The following EXTL3 variants were observed in gnomAD, a reference collection of about 807,000 sequenced individuals.
The protein encoded by EXTL3 is exostosin like glycosyltransferase 3.
EXTL3 carries 27 observed loss-of-function variants against 69.3 expected under a neutral mutation model. That is an observed-to-expected ratio of 0.39 (90% CI 0.29 to 0.54). The LOEUF (loss-of-function observed/expected upper bound fraction) is 0.54, where lower values mean the gene tolerates loss of function less well. EXTL3 is among the 20% of genes least tolerant of loss of function. The probability of loss-of-function intolerance (pLI) is 0.69; values close to 1 mark genes in which losing one functional copy is unlikely to be tolerated. For synonymous variants in EXTL3, 511 were observed against 499.4 expected, an observed-to-expected ratio of 1.02 and a Z score of -0.31; for missense variants, 1,003 against 1,231.8, an observed-to-expected ratio of 0.81 and a Z score of 2.78.
At chr8:28,692,958 A>G (rs1263282873) in intron 1 of EXTL3, among the ~76,000 whole-genome samples, 1 of 152,164 alleles carries the variant, frequency 6.6e-6, no homozygotes, top group Non-Finnish European at 1.5e-5. Flanking sequence ...TGTTGCGTCT[A>G]ACTGAGCACA....
At chr8:28,671,721 A>G (rs1209659500) in intron 1 of EXTL3, among the ~76,000 whole-genome samples, 1 of 152,224 alleles carries the variant, frequency 6.6e-6, no homozygotes, top group African/African-American at 2.4e-5. Flanking sequence ...ATCAGTCACT[A>G]AACTAGGATA....
intron 1 of EXTL3, among the ~76,000 whole-genome samples, chr8:28,654,291 A>G (rs1285189970): frequency 6.6e-6 from 1 of 152,202 alleles, no homozygotes; most frequent in East Asian, 1.9e-4. Context: ...AGAAACTTGT[A>G]TGGCTTTCAG....
chr8:28,738,342 C>T (rs1801696041), intron 5 of EXTL3, among the ~76,000 whole-genome samples: 1 of 152,184 alleles, frequency 6.6e-6, no homozygotes, highest in Non-Finnish European at 1.5e-5. Context: ...GTAAAGTGCA[C>T]AACAGCTTTC....
intron 3 of EXTL3, among the ~76,000 whole-genome samples, chr8:28,729,595 CAAAAAAAAAAAA>C (rs567929424): frequency 9.0e-5 from 3 of 33,238 alleles, no homozygotes; most frequent in African/African-American, 2.8e-4. Flanking sequence ...GACTCCATCT[CAAAAAAAAAAAA>C]AAAAAAAAAA....
At chr8:28,679,916 A>G (rs1807454342) in intron 1 of EXTL3, among the ~76,000 whole-genome samples, 1 of 152,186 alleles carries the variant, frequency 6.6e-6, no homozygotes, top group African/African-American at 2.4e-5. Flanking sequence ...ATAGAATAAG[A>G]CAAATGCTTA....
intron 1 of EXTL3, among the ~76,000 whole-genome samples, chr8:28,689,414 G>A (rs1487503650): frequency 1.3e-5 from 2 of 151,978 alleles, no homozygotes; most frequent in African/African-American, 4.8e-5. Context: ...CTCTCCTCCA[G>A]TCCCCATGTT....
At position 28,717,851 on chromosome 8, in the gene EXTL3, A is replaced by G; in HGVS notation, c.1792A>G (p.Thr598Ala). 1.9e-6 allele frequency: 3 copies of G among 1,612,560 alleles called. No homozygotes were observed. Among genetic ancestry groups the G allele is most frequent in the Non-Finnish European group, 2.5e-6 (3 of 1,178,680 alleles). ...CCTCCGCAATTTCACTCTGACTGTCACTGACTTTTACCGCAGCTGGAACTG... is the reference window on the plus strand; with the variant it reads ...CCTCCGCAATTTCACTCTGACTGTCGCTGACTTTTACCGCAGCTGGAACTG... ...RYLRNFTLTVTDFYRSWNCAP... is the reference protein window; with the variant it reads ...RYLRNFTLTVADFYRSWNCAP... The change falls in exon 3 of 7, where the codon ACT (threonine) becomes GCT (alanine). Residue 598 changes from threonine (T) to alanine (A), a missense_variant. This residue lies in a region of EXTL3 where 742 missense variants were observed against 815.4 expected (regional missense o/e 0.91). Coordinates refer to ENST00000220562, the MANE Select transcript of EXTL3 (RefSeq NM_001440.4). The surrounding 1 kb of genome is among the most constrained non-coding windows in gnomAD (Gnocchi z 8.3).
At position 28,742,923 on chromosome 8, in the gene EXTL3, A is replaced by G; in HGVS notation, c.2422-163A>G. ...TAATTCCTCACTGCAGAAGATCCACACGACAGGATGTCTCGAATCCCCTGC... is the reference window on the plus strand; with the variant it reads ...TAATTCCTCACTGCAGAAGATCCACGCGACAGGATGTCTCGAATCCCCTGC... On this transcript the variant is annotated intron_variant, in intron 5 of 6. Coordinates refer to ENST00000220562, the MANE Select transcript of EXTL3 (RefSeq NM_001440.4). 6 of 746,530 alleles carry G rather than the reference A, an allele frequency of 8.0e-6. No individual in the cohort carries two copies. In the South Asian group the frequency reaches 8.8e-5, roughly 11 times the overall value. The allele number at this position is 746,530 out of a possible 1,614,324, so 46.2% of individuals were successfully genotyped here. A position where few individuals can be genotyped will look rare whatever the true frequency, so the allele number is the denominator to read the frequency against.
chr8:28,715,696 G>GA lies in EXTL3; in HGVS notation c.-361dup. 3.6e-6 allele frequency: 1 copy of GA among 281,554 alleles called. No individual in the cohort carries two copies. The allele number at this position is 281,554 out of a possible 1,614,324, so 17.4% of individuals were successfully genotyped here. On this transcript the variant is annotated 5_prime_UTR_variant, in exon 3 of 7. The change abolishes the stop of an existing upstream ORF in the 5' untranslated region. Coordinates refer to ENST00000220562, the MANE Select transcript of EXTL3 (RefSeq NM_001440.4). Reference sequence around the variant, plus strand: ...CATATTTGTTGGTCAGCAAAACCAAGAAACAAGAGCTATGGCATTTGAAAA... The same window carrying GA: ...CATATTTGTTGGTCAGCAAAACCAAGAAAACAAGAGCTATGGCATTTGAAAA...
intron 1 of EXTL3, among the ~76,000 whole-genome samples, chr8:28,693,414 G>A (rs946332144): frequency 2.0e-5 from 3 of 152,102 alleles, no homozygotes; most frequent in Admixed American, 6.6e-5. Flanking sequence ...CCTCCCAAAA[G>A]TGCTGGGATT....
intron 1 of EXTL3, among the ~76,000 whole-genome samples, chr8:28,695,249 C>G (rs1800668954): frequency 6.6e-6 from 1 of 151,724 alleles, no homozygotes; most frequent in Non-Finnish European, 1.5e-5. Context: ...CTGCCTCAGC[C>G]TCCCGAGTAG....
intron 1 of EXTL3, among the ~76,000 whole-genome samples, chr8:28,630,853 G>A (rs1355354840): frequency 6.6e-6 from 1 of 152,124 alleles, no homozygotes; most frequent in Non-Finnish European, 1.5e-5. Flanking sequence ...AAAGAAAGAA[G>A]GTATATCAGG....
chr8:28,654,330 G>C (rs1354775366), intron 1 of EXTL3, among the ~76,000 whole-genome samples: 3 of 152,146 alleles, frequency 2.0e-5, no homozygotes, highest in Non-Finnish European at 4.4e-5. Context: ...TGATTTCATT[G>C]AGTTTACTCT....
rs772846096 is a variant in EXTL3 at position 28,717,418 on chromosome 8, A to G, written c.1359A>G (p.Glu453=). The change falls in exon 3 of 7, where the codon GAA becomes GAG. Residue 453 remains glutamate (E), a synonymous_variant. Coordinates refer to ENST00000220562, the MANE Select transcript of EXTL3 (RefSeq NM_001440.4). The surrounding 1 kb of genome is among the most constrained non-coding windows in gnomAD (Gnocchi z 8.3). The part of the protein sequence containing the change: ...ISSGCATRLF[E]ALEVGAVPVV... ...CTGGGTGTGCAACACGGCTCTTCGA[A>G]GCCCTGGAAGTCGGTGCCGTCCCGG... The G allele has an allele frequency of 2.5e-6, 4 of 1,614,102 alleles. No individual in the cohort carries two copies. The Admixed American group carries it at 5.0e-5, about 20-fold the overall frequency.
intron 3 of EXTL3, 54 bp downstream of exon 3, chr8:28,718,261 A>G: frequency 2.6e-6 from 4 of 1,556,148 alleles, no homozygotes; most frequent in Non-Finnish European, 3.5e-6. Flanking sequence ...TTTCACTCTT[A>G]ATCCCTTTTC....
chr8:28,636,789 T>A (rs1359052537), intron 1 of EXTL3, among the ~76,000 whole-genome samples: 2 of 152,114 alleles, frequency 1.3e-5, no homozygotes, highest in African/African-American at 4.8e-5. Flanking sequence ...GACAGGTGGA[T>A]CACCTGAGGT....
chr8:28,641,562 C>T (rs559161164), intron 1 of EXTL3, among the ~76,000 whole-genome samples: 22 of 151,426 alleles, frequency 1.5e-4, no homozygotes, highest in Non-Finnish European at 2.7e-4. Context: ...CTTCAACCTC[C>T]GCCTCCCGAG....
At chr8:28,649,123 T>G (rs1806879332) in intron 1 of EXTL3, among the ~76,000 whole-genome samples, 2 of 151,968 alleles carry the variant, frequency 1.3e-5, no homozygotes, top group Admixed American at 1.3e-4. Context: ...AGGCTGGACT[T>G]GAACTCCTGG....
chr8:28,692,782 T>C (rs1800633512), intron 1 of EXTL3, among the ~76,000 whole-genome samples: 1 of 152,234 alleles, frequency 6.6e-6, no homozygotes, highest in Admixed American at 6.5e-5. Context: ...TTTTTGAATC[T>C]ATGAATAACT....
Sources: gnomAD v4.1 joint callset for allele counts (sites outside exome capture counted in the v4.1 genomes callset) on GRCh38, gnomAD v4.1.1 for gene constraint, gnomAD v4.1.1 regional missense constraint, Gnocchi (gnomAD v3.1) non-coding constraint, MANE v1.5 for transcripts, NCBI Gene and HGNC (gene_info 2026-07-23, HGNC 2026-07-21) for gene names.